SKAP2: variants seen among roughly 807,000 people sequenced by gnomAD.
The protein encoded by SKAP2 is src kinase associated phosphoprotein 2.
SKAP2 carries 28 observed loss-of-function variants against 54.9 expected under a neutral mutation model. The observed-to-expected ratio is 0.51, with a 90% CI of 0.38 to 0.70. SKAP2 has a LOEUF of 0.70. Among genes scored for constraint, SKAP2 ranks in the 30% least tolerant of loss-of-function variants. The probability of loss-of-function intolerance (pLI) is 0.00; values close to 1 mark genes in which losing one functional copy is unlikely to be tolerated. For synonymous variants in SKAP2, 137 were observed against 134.3 expected (o/e 1.02, Z -0.14); for missense variants, 356 against 424.1 (o/e 0.84, Z 1.41).
At chr7:26,758,415 T>G (rs1379539537) in intron 4 of SKAP2, among the ~76,000 whole-genome samples, 4 of 152,194 alleles carry the variant, frequency 2.6e-5, no homozygotes, top group Non-Finnish European at 5.9e-5. Flanking sequence ...AGTTTTATAG[T>G]ACAATGATAC....
At chr7:26,659,331 CACATT>C in the SKAP2 span, among the ~76,000 whole-genome samples, 1 of 152,138 alleles carries the variant, frequency 6.6e-6, no homozygotes, top group Admixed American at 6.6e-5. Context: ...AGGAACACAG[CACATT>C]ACATTAATAA....
chr7:26,846,000 A>G (rs1415248242), intron 3 of SKAP2, among the ~76,000 whole-genome samples: 2 of 152,200 alleles, frequency 1.3e-5, no homozygotes, highest in African/African-American at 2.4e-5. Flanking sequence ...GGAACTTCAT[A>G]AAGTGCTAGT....
At chr7:26,839,169 TATG>T (rs1784769797) in intron 4 of SKAP2, among the ~76,000 whole-genome samples, 1 of 152,282 alleles carries the variant, frequency 6.6e-6, no homozygotes, top group East Asian at 1.9e-4. Context: ...TCTCAATGGC[TATG>T]TGTTTTATTT....
chr7:26,755,563 G>T (rs1467855758), intron 4 of SKAP2, among the ~76,000 whole-genome samples: 2 of 152,094 alleles, frequency 1.3e-5, no homozygotes, highest in Non-Finnish European at 2.9e-5. Flanking sequence ...AAAGAGATGA[G>T]TGTTTATTGA....
intron 4 of SKAP2, among the ~76,000 whole-genome samples, chr7:26,813,960 C>T (rs138982732): frequency 1.6e-3 from 245 of 152,212 alleles, no homozygotes; most frequent in African/African-American, 5.5e-3. Flanking sequence ...CAATTCAGGG[C>T]GTTTCTTGAT....
chr7:26,738,229 T>C (rs1787983001), intron 6 of SKAP2, among the ~76,000 whole-genome samples: 1 of 152,202 alleles, frequency 6.6e-6, no homozygotes, highest in Non-Finnish European at 1.5e-5. Context: ...GTCAAATTAA[T>C]GGTGCTAATA....
intron 4 of SKAP2, among the ~76,000 whole-genome samples, chr7:26,825,194 A>G (rs1400429995): frequency 2.0e-5 from 3 of 152,166 alleles, no homozygotes; most frequent in Non-Finnish European, 4.4e-5. Flanking sequence ...CTCCAGCAAA[A>G]GCTACAGTAC....
intron 11 of SKAP2, among the ~76,000 whole-genome samples, chr7:26,680,205 G>A (rs73075509): frequency 0.088 from 13,427 of 152,160 alleles, 762 homozygotes; most frequent in Non-Finnish European, 0.14. Context: ...CAGATTGAAA[G>A]ATAAACTAAT....
At chr7:26,656,824 G>GT in the SKAP2 span, among the ~76,000 whole-genome samples, 1 of 151,966 alleles carries the variant, frequency 6.6e-6, no homozygotes, top group Non-Finnish European at 1.5e-5. Flanking sequence ...CTACCAGGAT[G>GT]TGTCTCCGGC....
At chr7:26,836,436 T>C (rs1031026328) in intron 4 of SKAP2, among the ~76,000 whole-genome samples, 1 of 152,112 alleles carries the variant, frequency 6.6e-6, no homozygotes, top group African/African-American at 2.4e-5. Context: ...AATTTTGCAA[T>C]CTATCCATCT....
At chr7:26,678,810 G>A (rs1353752865) in intron 11 of SKAP2, among the ~76,000 whole-genome samples, 13 of 151,862 alleles carry the variant, frequency 8.6e-5, no homozygotes, top group Admixed American at 6.6e-4. Context: ...ACTAAATATC[G>A]ACTCTAAAAC....
chr7:26,854,448 T>C (rs978898906), intron 2 of SKAP2, among the ~76,000 whole-genome samples: 6 of 152,018 alleles, frequency 3.9e-5, no homozygotes, highest in African/African-American at 1.4e-4. Flanking sequence ...AAAAGAATTC[T>C]CTTTCTTCAG....
intron 4 of SKAP2, among the ~76,000 whole-genome samples, chr7:26,788,937 G>A (rs1205389839): frequency 1.3e-5 from 2 of 151,962 alleles, no homozygotes; most frequent in African/African-American, 4.8e-5. Context: ...AAATGACTCC[G>A]CACTAAGAAG....
At chr7:26,815,087 C>G (rs1784238723) in intron 4 of SKAP2, among the ~76,000 whole-genome samples, 1 of 150,608 alleles carries the variant, frequency 6.6e-6, no homozygotes, top group Non-Finnish European at 1.5e-5. Flanking sequence ...AAATAAAACA[C>G]AAGATAATAT....
chr7:26,791,309 C>T (rs534488722), intron 4 of SKAP2, among the ~76,000 whole-genome samples: 1 of 152,062 alleles, frequency 6.6e-6, no homozygotes, highest in Non-Finnish European at 1.5e-5. Context: ...GGCTGGAGTG[C>T]AGTGGTGTGA....
chr7:26,677,004 G>A (rs1786363965), intron 11 of SKAP2, among the ~76,000 whole-genome samples: 1 of 152,212 alleles, frequency 6.6e-6, no homozygotes. Flanking sequence ...GCGAAGATAA[G>A]GGAAAAGTGG....
chr7:26,855,675 CTT>C (rs1317073933), intron 1 of SKAP2, among the ~76,000 whole-genome samples: 3 of 152,030 alleles, frequency 2.0e-5, no homozygotes, highest in Non-Finnish European at 4.4e-5. Flanking sequence ...TTTTAGTAAA[CTT>C]CTAAATTACG....
intron 4 of SKAP2, among the ~76,000 whole-genome samples, chr7:26,780,002 T>C (rs1783393084): frequency 6.6e-6 from 1 of 152,088 alleles, no homozygotes; most frequent in Non-Finnish European, 1.5e-5. Flanking sequence ...AACACTGTTA[T>C]CTCTGACTCA....
In SKAP2 at chr7:26,702,894, C is replaced by T. The variant is rs540558486; in HGVS notation, c.797-12532G>A. 1.0e-3 allele frequency among the ~76,000 whole-genome samples: 156 copies of T among 152,338 alleles called. 5 individuals carry two copies. The South Asian group carries it at 0.031, about 31-fold the overall frequency. ...GAGATTATGAGACACATCAACATCT[C>T]GGCATACCACCACGATGTGGTATTT... On this transcript the variant is annotated intron_variant, in intron 9 of 12. Coordinates refer to ENST00000345317, the MANE Select transcript of SKAP2 (RefSeq NM_003930.5).
Sources: gnomAD v4.1 joint callset for allele counts (sites outside exome capture counted in the v4.1 genomes callset) on GRCh38, gnomAD v4.1.1 for gene constraint, MANE v1.5 for transcripts, NCBI Gene and HGNC (gene_info 2026-07-23, HGNC 2026-07-21) for gene names.